NAALADL2: variants seen among roughly 807,000 people sequenced by gnomAD.
The protein encoded by NAALADL2 is inactive N-acetylated-alpha-linked acidic dipeptidase-like protein 2.
A neutral mutation model predicts 87.2 loss-of-function variants in NAALADL2; 76 were observed. The ratio of observed to expected loss-of-function variants is 0.87; its 90% CI spans 0.72 to 1.05. NAALADL2 has a LOEUF of 1.05. Ranked by LOEUF, NAALADL2 falls within the 50% of genes least tolerant of loss-of-function variation. The pLI, the probability that NAALADL2 is intolerant of heterozygous loss-of-function variation, is 0.00. For missense variants in NAALADL2, 1,089 were observed against 945.8 expected (o/e 1.15, Z -1.99); for synonymous variants, 354 against 331.0 (o/e 1.07, Z -0.75).
At chr3:175,512,628 A>T (rs1314307756) in intron 9 of NAALADL2, among the ~76,000 whole-genome samples, 1 of 152,224 alleles carries the variant, frequency 6.6e-6, no homozygotes, top group African/African-American at 2.4e-5. Context: ...ATGGAAGATA[A>T]AGCAAGAATT....
intron 2 of NAALADL2, among the ~76,000 whole-genome samples, chr3:174,725,103 T>G (rs1049064758): frequency 6.6e-6 from 1 of 152,148 alleles, no homozygotes; most frequent in Non-Finnish European, 1.5e-5. Flanking sequence ...CAAAGGAACA[T>G]GTATTGGATT....
chr3:174,502,420 AC>A (rs954911095), intron 1 of NAALADL2, among the ~76,000 whole-genome samples: 1 of 152,116 alleles, frequency 6.6e-6, no homozygotes, highest in Non-Finnish European at 1.5e-5. Flanking sequence ...CAGTACTTCT[AC>A]TCTTGAAAGG....
At chr3:174,945,670 A>G (rs1335739101) in intron 1 of NAALADL2, among the ~76,000 whole-genome samples, 1 of 152,172 alleles carries the variant, frequency 6.6e-6, no homozygotes, top group Non-Finnish European at 1.5e-5. Flanking sequence ...CCTATATTAA[A>G]ATTCCTAGAA....
intron 3 of NAALADL2, among the ~76,000 whole-genome samples, chr3:175,247,417 T>C (rs758286398): frequency 5.9e-5 from 9 of 152,052 alleles, no homozygotes; most frequent in Non-Finnish European, 7.4e-5. Flanking sequence ...GGTTGTAGTA[T>C]TGAATGGGGT....
chr3:175,697,499 G>C (rs1582925142), intron 11 of NAALADL2, among the ~76,000 whole-genome samples: 1 of 151,016 alleles, frequency 6.6e-6, no homozygotes, highest in Admixed American at 6.6e-5. Flanking sequence ...TTAGAGTTAT[G>C]GGATAACTCT....
At chr3:175,201,646 A>G (rs1216047507) in intron 2 of NAALADL2, among the ~76,000 whole-genome samples, 1 of 152,124 alleles carries the variant, frequency 6.6e-6, no homozygotes, top group Non-Finnish European at 1.5e-5. Flanking sequence ...GATTTTTTCC[A>G]ATTCTTCTTT....
intron 2 of NAALADL2, among the ~76,000 whole-genome samples, chr3:174,581,841 C>T (rs995609375): frequency 6.6e-6 from 1 of 152,168 alleles, no homozygotes; most frequent in African/African-American, 2.4e-5. Context: ...TTCCCTCTGG[C>T]ACAGTGATAG....
At chr3:174,544,107 C>T (rs1001224681) in intron 1 of NAALADL2, among the ~76,000 whole-genome samples, 1 of 152,104 alleles carries the variant, frequency 6.6e-6, no homozygotes, top group African/African-American at 2.4e-5. Context: ...CCACCCCAAT[C>T]CAGTCCTTCT....
intron 2 of NAALADL2, among the ~76,000 whole-genome samples, chr3:175,232,237 G>GAAGAGGAAGAAGAAAGAAGA (rs1553824045): frequency 0.18 from 26,350 of 149,206 alleles, 2,559 homozygotes; most frequent in East Asian, 0.3. Flanking sequence ...AGAGGAAGAG[G>GAAGAGGAAGAAGAAAGAAGA]AAGAAGAAAG....
intron 2 of NAALADL2, among the ~76,000 whole-genome samples, chr3:175,127,439 G>T (rs1016624977): frequency 1.3e-5 from 2 of 152,006 alleles, no homozygotes; most frequent in Non-Finnish European, 2.9e-5. Flanking sequence ...GACACCTTTG[G>T]GCATCATAAA....
chr3:175,208,843 A>C (rs752092582), intron 2 of NAALADL2, among the ~76,000 whole-genome samples: 1 of 152,276 alleles, frequency 6.6e-6, no homozygotes, highest in East Asian at 1.9e-4. Flanking sequence ...ATTTGGAATA[A>C]ATTTTTATTC....
At chr3:175,628,617 GTA>G (rs34276529) in intron 11 of NAALADL2, among the ~76,000 whole-genome samples, 1,877 of 139,186 alleles carry the variant, frequency 0.013, 49 homozygotes, top group African/African-American at 0.046. Context: ...CTCTCTCTAT[GTA>G]TATATATATA....
intron 2 of NAALADL2, among the ~76,000 whole-genome samples, chr3:175,206,759 C>T (rs772348077): frequency 1.3e-5 from 2 of 152,084 alleles, no homozygotes; most frequent in Non-Finnish European, 1.5e-5. Context: ...TGCTAGAAGT[C>T]GTTGGCAGCA....
intron 2 of NAALADL2, among the ~76,000 whole-genome samples, chr3:174,615,296 G>A (rs568123): frequency 0.65 from 98,066 of 152,040 alleles, 32,842 homozygotes; most frequent in East Asian, 0.87. Flanking sequence ...TTAGAGAGCC[G>A]TCTTCTAGTG....
At chr3:175,745,971 G>A (rs1418814614) in intron 12 of NAALADL2, among the ~76,000 whole-genome samples, 1 of 152,094 alleles carries the variant, frequency 6.6e-6, no homozygotes, top group African/African-American at 2.4e-5. Context: ...ACCAAATAAA[G>A]TAAAAGTAAT....
intron 9 of NAALADL2, among the ~76,000 whole-genome samples, chr3:175,523,180 G>A (rs1732904102): frequency 1.3e-5 from 2 of 152,150 alleles, no homozygotes; most frequent in Admixed American, 6.5e-5. Flanking sequence ...GTTGCCGCCT[G>A]GAAACATTTG....
chr3:175,627,216 A>T, intron 10 of NAALADL2, 75 bp from the exon 11 acceptor site: 1 of 1,212,074 alleles, frequency 8.3e-7, no homozygotes, highest in Non-Finnish European at 1.2e-6. Flanking sequence ...TTTAATCTTT[A>T]AGGAAAATCC....
At chr3:175,305,228 GTGTGTGTGTGTGTGTTTGTGTA>G (rs919559525) in intron 4 of NAALADL2, among the ~76,000 whole-genome samples, 8 of 138,580 alleles carry the variant, frequency 5.8e-5, no homozygotes, top group African/African-American at 2.5e-4. Context: ...TGCTTACATG[GTGTGTGTGTGTGTGTTTGTGTA>G]TGTGTGTGTG....
At chr3:174,961,090 ATTAAT>A (rs1362549639) in intron 1 of NAALADL2, among the ~76,000 whole-genome samples, 7 of 148,026 alleles carry the variant, frequency 4.7e-5, no homozygotes, top group Non-Finnish European at 7.4e-5. Context: ...ATTAAATAAT[ATTAAT>A]ATAATATATA....
Sources: allele counts gnomAD v4.1 joint callset (sites outside exome capture counted in the v4.1 genomes callset), GRCh38; gene constraint gnomAD v4.1.1; transcripts MANE v1.5; gene names NCBI Gene and HGNC (gene_info 2026-07-23, HGNC 2026-07-21).